CSMD2: variants seen among roughly 807,000 people sequenced by gnomAD.
The protein encoded by CSMD2 is CUB and Sushi multiple domains 2, also known as CUB and sushi domain-containing protein 2.
CSMD2 carries 130 observed loss-of-function variants against 398.5 expected under a neutral mutation model. That is an observed-to-expected ratio of 0.33 (90% CI 0.28 to 0.38). The LOEUF (loss-of-function observed/expected upper bound fraction) is 0.38, where lower values mean the gene tolerates loss of function less well. Among genes scored for constraint, CSMD2 ranks in the 10% least tolerant of loss-of-function variants. The pLI, the probability that CSMD2 is intolerant of heterozygous loss-of-function variation, is 1.00. For missense variants in CSMD2, 3,829 were observed against 4,764.9 expected, an observed-to-expected ratio of 0.80 and a Z score of 5.78; for synonymous variants, 1,828 against 1,908.5, an observed-to-expected ratio of 0.96 and a Z score of 1.10.
intron 2 of CSMD2, among the ~76,000 whole-genome samples, chr1:34,058,644 G>A (rs1654127874): frequency 6.6e-6 from 1 of 152,198 alleles, no homozygotes; most frequent in African/African-American, 2.4e-5. Context: ...GTTGTCTGGG[G>A]ATCTGGGTTT....
At chr1:33,549,769 T>C (rs1182626531) in intron 56 of CSMD2, among the ~76,000 whole-genome samples, 2 of 151,996 alleles carry the variant, frequency 1.3e-5, no homozygotes, top group East Asian at 3.9e-4. Context: ...AGGAGTGGGC[T>C]TGGACCTGAG....
chr1:33,997,972 C>T (rs1295471593), intron 3 of CSMD2, among the ~76,000 whole-genome samples: 1 of 151,894 alleles, frequency 6.6e-6, no homozygotes, highest in Non-Finnish European at 1.5e-5. Flanking sequence ...AGACCAAGGA[C>T]CCTGTTATGA....
intron 2 of CSMD2, among the ~76,000 whole-genome samples, chr1:34,060,358 C>A (rs1654335805): frequency 6.6e-6 from 1 of 152,144 alleles, no homozygotes; most frequent in Non-Finnish European, 1.5e-5. Context: ...TTTAAAAATT[C>A]TTCTTTATGA....
At chr1:34,040,642 C>T (rs1651746533) in intron 2 of CSMD2, among the ~76,000 whole-genome samples, 1 of 152,160 alleles carries the variant, frequency 6.6e-6, no homozygotes, top group African/African-American at 2.4e-5. Flanking sequence ...GACTCTGATG[C>T]TGGCAGTATA....
chr1:34,136,507 C>T (rs1308558828), intron 1 of CSMD2, among the ~76,000 whole-genome samples: 1 of 152,196 alleles, frequency 6.6e-6, no homozygotes, highest in Admixed American at 6.5e-5. Context: ...TTTCACAGAG[C>T]TATGTGAACA....
intron 68 of CSMD2, 49 bp downstream of exon 68, chr1:33,521,414 C>A (rs1386528880): frequency 2.6e-6 from 3 of 1,145,940 alleles, no homozygotes; most frequent in Non-Finnish European, 4.0e-6. Flanking sequence ...CACACGGTTT[C>A]TCTCCCACCC....
intron 49 of CSMD2, among the ~76,000 whole-genome samples, chr1:33,574,982 C>T (rs1226620096): frequency 6.6e-6 from 1 of 152,230 alleles, no homozygotes; most frequent in South Asian, 2.1e-4. Context: ...CCACTTCTCA[C>T]AGGCCCTGGC....
At chr1:33,558,362 T>G (rs1389556216) in intron 54 of CSMD2, among the ~76,000 whole-genome samples, 2 of 152,224 alleles carry the variant, frequency 1.3e-5, no homozygotes, top group Non-Finnish European at 2.9e-5. Context: ...GAAAATGGTT[T>G]TAATCACTTT....
intron 52 of CSMD2, 57 bp from the exon 53 acceptor site, chr1:33,567,898 C>T (rs1659206760): frequency 6.5e-7 from 1 of 1,528,634 alleles, no homozygotes; most frequent in African/African-American, 1.4e-5. Flanking sequence ...ATTACTTTTC[C>T]CACCTCTCCC....
chr1:33,805,184 C>T (rs891636082), intron 10 of CSMD2, among the ~76,000 whole-genome samples: 3 of 152,164 alleles, frequency 2.0e-5, no homozygotes, highest in South Asian at 2.1e-4. Context: ...AGACTTCCCC[C>T]GACACCTCAC....
At chr1:33,825,077 C>T (rs972471509) in intron 7 of CSMD2, among the ~76,000 whole-genome samples, 1 of 152,148 alleles carries the variant, frequency 6.6e-6, no homozygotes, top group Non-Finnish European at 1.5e-5. Flanking sequence ...CAGAACTAGA[C>T]CCCTATTAAC....
intron 5 of CSMD2, among the ~76,000 whole-genome samples, chr1:33,908,263 T>C (rs1213506518): frequency 3.3e-5 from 5 of 152,112 alleles, no homozygotes; most frequent in East Asian, 1.9e-4. Flanking sequence ...CAAACATTCA[T>C]GGCCAAACAT....
chr1:34,165,041 A>G lies in CSMD2; in HGVS notation c.57T>C (p.Ala19=), dbSNP rs377306463. The G allele has an allele frequency of 1.3e-5, 16 of 1,213,692 alleles. No homozygotes were observed. The East Asian group carries it at 4.7e-4, about 35-fold the overall frequency. The allele number at this position is 1,213,692 out of a possible 1,614,324, so 75.2% of individuals were successfully genotyped here. ...LGRCGCPAGR[A]RGETGISALV... ...GCGCCGAAATCCCGGTTTCGCCGCG[A>G]GCCCTCCCCGCGGGGCAGCCGCAGC... is the stretch of plus-strand genomic sequence containing the variant. Residue 19 remains alanine, a synonymous_variant, in exon 1 of 71, where the codon GCT becomes GCC. Coordinates refer to ENST00000373381, the MANE Select transcript of CSMD2 (RefSeq NM_001281956.2).
chr1:34,057,674 G>C (rs780144159), intron 2 of CSMD2, among the ~76,000 whole-genome samples: 36 of 152,126 alleles, frequency 2.4e-4, no homozygotes, highest in Non-Finnish European at 3.2e-4. Flanking sequence ...CCCCTCGCTT[G>C]TTTGTCCCCA....
At chr1:33,937,855 T>G (rs1644527885) in intron 3 of CSMD2, among the ~76,000 whole-genome samples, 1 of 152,206 alleles carries the variant, frequency 6.6e-6, no homozygotes, top group Admixed American at 6.5e-5. Context: ...CAGAACATAG[T>G]AGGTGCTCAC....
chr1:33,587,044 C>T (rs752232939), intron 45 of CSMD2, 44 bp downstream of exon 45: 21 of 1,482,684 alleles, frequency 1.4e-5, no homozygotes, highest in Non-Finnish European at 1.9e-5. Flanking sequence ...CCCTTCCTTC[C>T]CCAGTCCTGG....
intron 13 of CSMD2, among the ~76,000 whole-genome samples, chr1:33,771,246 T>C (rs1036885963): frequency 6.6e-6 from 1 of 152,136 alleles, no homozygotes; most frequent in African/African-American, 2.4e-5. Context: ...CCCTGCCCCG[T>C]GCACCTGTCC....
intron 10 of CSMD2, among the ~76,000 whole-genome samples, chr1:33,809,487 C>T (rs545403238): frequency 8.6e-5 from 13 of 151,980 alleles, no homozygotes; most frequent in African/African-American, 1.9e-4. Context: ...TAGCAAACTA[C>T]GATTAGGAAG....
chr1:33,521,552 T>G lies in CSMD2; in HGVS notation c.10510-2A>C, dbSNP rs1654293192. 6.3e-7 allele frequency: 1 copy of G among 1,598,804 alleles called. No homozygotes were observed. On this transcript the variant is annotated splice_acceptor_variant, in intron 67 of 70. Transcript: ENST00000373381. LOFTEE classifies it high-confidence loss of function. ...GGCTCCGGAGGACTCTGACGAGACC[T>G]GTGATGGTGGGGAGCACAGAGAGCA... is the stretch of plus-strand genomic sequence containing the variant.
Sources: gnomAD v4.1 joint callset for allele counts (sites outside exome capture counted in the v4.1 genomes callset) on GRCh38, gnomAD v4.1.1 for gene constraint, MANE v1.5 for transcripts, NCBI Gene and HGNC (gene_info 2026-07-23, HGNC 2026-07-21) for gene names.